The following MS4A4E variants were observed in gnomAD, a reference collection of about 807,000 sequenced individuals.
MS4A4E encodes putative membrane-spanning 4-domains subfamily A member 4E.
Under a neutral mutation model 13.3 loss-of-function variants are expected in MS4A4E, and 23 were observed. The observed-to-expected ratio is 1.73, with a 90% CI of 1.25 to 2.45. The LOEUF (loss-of-function observed/expected upper bound fraction) is 2.45. MS4A4E is among the 30% of genes most tolerant of loss of function. The pLI, the probability that MS4A4E is intolerant of heterozygous loss-of-function variation, is 0.00. For missense variants in MS4A4E, 144 were observed against 131.2 expected, an observed-to-expected ratio of 1.10 and a Z score of -0.48; for synonymous variants, 36 against 45.6, an observed-to-expected ratio of 0.79 and a Z score of 0.85.
intron 3 of MS4A4E, among the ~76,000 whole-genome samples, chr11:60,226,988 A>G (rs977036502): frequency 2.0e-5 from 3 of 152,224 alleles, no homozygotes; most frequent in Non-Finnish European, 4.4e-5. Flanking sequence ...ATGTACTTAT[A>G]GTAAATAAGT....
chr11:60,207,461 C>T (rs2084062633), intron 6 of MS4A4E, among the ~76,000 whole-genome samples: 1 of 152,030 alleles, frequency 6.6e-6, no homozygotes, highest in South Asian at 2.1e-4. Flanking sequence ...AATGCAAAAC[C>T]CCACCACTAG....
intron 3 of MS4A4E, among the ~76,000 whole-genome samples, chr11:60,218,066 C>T (rs573070033): frequency 1.3e-4 from 20 of 152,230 alleles, no homozygotes; most frequent in East Asian, 3.9e-4. Flanking sequence ...AAAGAGAATA[C>T]GCGCCTGGGG....
At position 60,200,611 on chromosome 11, in the gene MS4A4E, G is replaced by A. The variant is rs930410135; in HGVS notation, c.*932C>T. On this transcript the variant is annotated 3_prime_UTR_variant, in exon 9 of 9. Transcript: ENST00000651255. ...TCAGAGAGCACAGGGTTGGGGGTAA[G>A]GTCACAGATCAACAGGATCCCAAGG... Among the ~76,000 whole-genome samples, 24 of 152,268 alleles carry A rather than the reference G, an allele frequency of 1.6e-4. No individual in the cohort carries two copies. The highest frequency in any genetic ancestry group is 5.8e-4 in the African/African-American group (24 of 41,560).
In MS4A4E at chr11:60,201,506, C is replaced by A. The variant is rs778977316; in HGVS notation, c.*37G>T. On this transcript the variant is annotated 3_prime_UTR_variant, in exon 9 of 9. Transcript: ENST00000651255. Reference sequence around the variant, plus strand: ...GCCGGGCAGAGGTGCTCCTCACATCCCAGACAGGGCGGTGGGGCAAAGGCG... The same window carrying A: ...GCCGGGCAGAGGTGCTCCTCACATCACAGACAGGGCGGTGGGGCAAAGGCG... The A allele has an allele frequency of 4.2e-4, 110 of 263,392 alleles. 1 individual carries two copies. Among genetic ancestry groups the A allele is most frequent in the Non-Finnish European group, 4.2e-4 (55 of 130,678 alleles). The allele number at this position is 263,392 out of a possible 1,614,324, so 16.3% of individuals were successfully genotyped here. A position where few individuals can be genotyped will look rare whatever the true frequency, so the allele number is the denominator to read the frequency against.
intron 4 of MS4A4E, among the ~76,000 whole-genome samples, chr11:60,213,726 AAT>A (rs1224747402): frequency 6.6e-6 from 1 of 152,186 alleles, no homozygotes; most frequent in Non-Finnish European, 1.5e-5. Context: ...AGAAAACTCA[AAT>A]AGTGTTTAGC....
intron 5 of MS4A4E, among the ~76,000 whole-genome samples, chr11:60,211,231 A>AC (rs2084117651): frequency 1.3e-5 from 2 of 152,256 alleles, no homozygotes; most frequent in Non-Finnish European, 2.9e-5. Context: ...CCAATTTCTA[A>AC]CTGAGTGACA....
rs2084388452 is a variant in MS4A4E, at chr11:60,229,996, C to T, written c.60G>A (p.Gln20=). Residue 20 remains glutamine, a synonymous_variant, in exon 2 of 9, where the codon CAG becomes CAA. Coordinates refer to ENST00000651255, the MANE Select transcript of MS4A4E (RefSeq NM_001393391.1). ...AATGTATGACATCTATGTTTCCCAG[C>T]TGGGGCACATCAGGGCCAGCCCCTG... ...TTPGAGPDVP[Q]LGNIDVIHSY... The T allele has an allele frequency of 6.2e-7, 1 of 1,613,466 alleles. No individual in the cohort carries two copies. The highest frequency in any genetic ancestry group is 1.7e-5 in the Admixed American group (1 of 59,952).
Position 60,210,674 on chromosome 11 carries a change from A to T in MS4A4E, c.382-1980T>A, listed in dbSNP as rs569540532. ...GAACCAAAGTTCCTTTGTGGTAGGGAACTGTTCTCTTTCTTATGTCTACCA... is the reference window on the plus strand; with the variant it reads ...GAACCAAAGTTCCTTTGTGGTAGGGTACTGTTCTCTTTCTTATGTCTACCA... On this transcript the variant is annotated intron_variant, in intron 5 of 8. Transcript: ENST00000651255. 6.6e-4 allele frequency among the ~76,000 whole-genome samples: 101 copies of T among 152,168 alleles called. 1 individual carries two copies. The highest frequency in any genetic ancestry group is 1.3e-3 in the Non-Finnish European group (87 of 68,008).
intron 4 of MS4A4E, among the ~76,000 whole-genome samples, chr11:60,213,986 C>T (rs1369182233): frequency 2.0e-5 from 3 of 151,950 alleles, no homozygotes; most frequent in African/African-American, 7.3e-5. Context: ...CTCACTGCAA[C>T]CTCCGCCTCC....
At chr11:60,218,367 A>G (rs1198110424) in intron 3 of MS4A4E, among the ~76,000 whole-genome samples, 1 of 152,118 alleles carries the variant, frequency 6.6e-6, no homozygotes, top group Admixed American at 6.6e-5. Flanking sequence ...ATTACCTTGT[A>G]CAGTACTTGA....
At chr11:60,230,902 A>C (rs528572128) in intron 1 of MS4A4E, among the ~76,000 whole-genome samples, 2 of 152,278 alleles carry the variant, frequency 1.3e-5, no homozygotes, top group South Asian at 4.1e-4. Flanking sequence ...AATATCCTTC[A>C]AGTCATAGTT....
chr11:60,214,635 T>C, intron 3 of MS4A4E, 21 bp from the exon 4 acceptor site: 2 of 1,477,924 alleles, frequency 1.4e-6, no homozygotes, highest in South Asian at 1.3e-5. Flanking sequence ...AAAATAAGAA[T>C]GAGAGAAAAA....
At chr11:60,209,768 T>C (rs1280648626) in intron 5 of MS4A4E, among the ~76,000 whole-genome samples, 1 of 152,236 alleles carries the variant, frequency 6.6e-6, no homozygotes, top group Non-Finnish European at 1.5e-5. Flanking sequence ...GATTATCTGG[T>C]TTAAATATTC....
At chr11:60,203,070 A>G (rs2084004480) in intron 8 of MS4A4E, among the ~76,000 whole-genome samples, 1 of 152,204 alleles carries the variant, frequency 6.6e-6, no homozygotes, top group African/African-American at 2.4e-5. Flanking sequence ...TAGTACAGTT[A>G]TTTAAAAATC....
At chr11:60,212,576 T>C (rs1363238199) in intron 5 of MS4A4E, among the ~76,000 whole-genome samples, 1 of 152,228 alleles carries the variant, frequency 6.6e-6, no homozygotes, top group East Asian at 1.9e-4. Flanking sequence ...CCCAAAGTGC[T>C]GGGATTACAG....
intron 1 of MS4A4E, among the ~76,000 whole-genome samples, chr11:60,230,533 C>G (rs1025548271): frequency 6.6e-6 from 1 of 152,148 alleles, no homozygotes; most frequent in African/African-American, 2.4e-5. Flanking sequence ...GCTAAATTCT[C>G]AGGGCTGAAA....
rs75882919 is a variant in MS4A4E, at chr11:60,215,357, A to G, written c.179-743T>C. ...AATCATCCATCATGTAACATAAAAT[A>G]CATCATGAACATTTGGGATGTTCCT... On this transcript the variant is annotated intron_variant, in intron 3 of 8. Coordinates refer to ENST00000651255, the MANE Select transcript of MS4A4E (RefSeq NM_001393391.1). 8.4e-3 allele frequency among the ~76,000 whole-genome samples: 1,279 copies of G among 151,952 alleles called. 14 individuals carry two copies. Among genetic ancestry groups the G allele is most frequent in the African/African-American group, 0.029 (1,221 of 41,538 alleles).
intron 3 of MS4A4E, among the ~76,000 whole-genome samples, chr11:60,220,438 C>G (rs1472590684): frequency 6.6e-6 from 1 of 152,186 alleles, no homozygotes; most frequent in Non-Finnish European, 1.5e-5. Flanking sequence ...CTGGCAAGAC[C>G]AGCAATGTAC....
At chr11:60,232,542 C>T (rs2084425626) in intron 1 of MS4A4E, among the ~76,000 whole-genome samples, 1 of 152,110 alleles carries the variant, frequency 6.6e-6, no homozygotes, top group African/African-American at 2.4e-5. Context: ...TGACAGGATC[C>T]CAGCAGCTCC....
Sources: allele counts gnomAD v4.1 joint callset (sites outside exome capture counted in the v4.1 genomes callset), GRCh38; gene constraint gnomAD v4.1.1; transcripts MANE v1.5; gene names NCBI Gene and HGNC (gene_info 2026-07-23, HGNC 2026-07-21).